Variants in CNTNAP5 observed in about 807,000 individuals in gnomAD.
CNTNAP5 encodes the protein contactin associated protein family member 5.
A neutral mutation model predicts 150.2 loss-of-function variants in CNTNAP5; 72 were observed. The observed-to-expected ratio is 0.48, with a 90% CI of 0.40 to 0.58. The LOEUF is 0.58. Ranked by LOEUF, CNTNAP5 falls within the 20% of genes least tolerant of loss-of-function variation. The pLI, the probability that CNTNAP5 is intolerant of heterozygous loss-of-function variation, is 0.00. For missense variants in CNTNAP5, 1,636 were observed against 1,626.2 expected, an observed-to-expected ratio of 1.01 and a Z score of -0.10; for synonymous variants, 672 against 619.8, an observed-to-expected ratio of 1.08 and a Z score of -1.25.
intron 3 of CNTNAP5, among the ~76,000 whole-genome samples, chr2:124,400,078 C>G (rs1180434491): frequency 1.3e-5 from 2 of 151,276 alleles, no homozygotes; most frequent in Non-Finnish European, 2.9e-5. Flanking sequence ...GCACTATTCC[C>G]TCAAGATGCA....
chr2:124,029,784 C>T (rs935096041), intron 1 of CNTNAP5, among the ~76,000 whole-genome samples: 8 of 152,200 alleles, frequency 5.3e-5, no homozygotes, highest in South Asian at 2.1e-4. Flanking sequence ...ATTTGAAATG[C>T]CCCTGAAACC....
At chr2:124,238,576 C>T (rs1370656049) in intron 2 of CNTNAP5, among the ~76,000 whole-genome samples, 1 of 152,112 alleles carries the variant, frequency 6.6e-6, no homozygotes, top group African/African-American at 2.4e-5. Flanking sequence ...CAAGTGTTCC[C>T]TTTAAGTGTA....
chr2:124,272,733 T>C (rs1348554937), intron 3 of CNTNAP5, among the ~76,000 whole-genome samples: 1 of 152,214 alleles, frequency 6.6e-6, no homozygotes, highest in Non-Finnish European at 1.5e-5. Context: ...GACAGCACTG[T>C]TGAAATGATT....
chr2:124,613,502 C>T (rs1677430986), intron 12 of CNTNAP5, among the ~76,000 whole-genome samples: 1 of 152,186 alleles, frequency 6.6e-6, no homozygotes, highest in African/African-American at 2.4e-5. Flanking sequence ...ATTCTCTGAG[C>T]TTTTCTTTGA....
chr2:124,249,695 C>A (rs75387158), intron 3 of CNTNAP5, among the ~76,000 whole-genome samples: 14 of 152,164 alleles, frequency 9.2e-5, no homozygotes, highest in African/African-American at 3.4e-4. Flanking sequence ...CCACCTTGGG[C>A]ACATGTTCTC....
intron 6 of CNTNAP5, among the ~76,000 whole-genome samples, chr2:124,463,408 G>A (rs1693299314): frequency 6.6e-6 from 1 of 152,124 alleles, no homozygotes; most frequent in African/African-American, 2.4e-5. Context: ...GGAGCAATAA[G>A]GACAACCAAA....
intron 1 of CNTNAP5, among the ~76,000 whole-genome samples, chr2:124,165,876 G>C (rs1242198457): frequency 6.6e-6 from 1 of 152,124 alleles, no homozygotes; most frequent in African/African-American, 2.4e-5. Flanking sequence ...ACAAGTACAT[G>C]GAGCGGCGCA....
intron 3 of CNTNAP5, among the ~76,000 whole-genome samples, chr2:124,293,383 A>G (rs1463055253): frequency 6.6e-6 from 1 of 152,168 alleles, no homozygotes; most frequent in African/African-American, 2.4e-5. Flanking sequence ...GTATTCTCTG[A>G]ATATCAAGAA....
At chr2:124,847,821 C>T (rs1191708830) in intron 19 of CNTNAP5, among the ~76,000 whole-genome samples, 3 of 152,072 alleles carry the variant, frequency 2.0e-5, no homozygotes, top group African/African-American at 4.8e-5. Context: ...TCTTTTCTTA[C>T]CTTGCTTAAG....
At chr2:124,914,031 C>G (rs1678709914) in intron 23 of CNTNAP5, 61 bp from the exon 24 acceptor site, 8 of 1,255,254 alleles carry the variant, frequency 6.4e-6, no homozygotes, top group Non-Finnish European at 9.0e-6. Context: ...AGGGAATCCA[C>G]TCTCCTGAGC....
intron 14 of CNTNAP5, among the ~76,000 whole-genome samples, chr2:124,759,845 A>T (rs1269211098): frequency 7.3e-6 from 1 of 137,684 alleles, no homozygotes; most frequent in Admixed American, 7.3e-5. Flanking sequence ...GGTAGACTGT[A>T]TATTTGACCA....
At chr2:124,352,229 T>C (rs1028705721) in intron 3 of CNTNAP5, among the ~76,000 whole-genome samples, 3 of 152,176 alleles carry the variant, frequency 2.0e-5, no homozygotes, top group Admixed American at 1.3e-4. Flanking sequence ...CATTAAGTTG[T>C]ATACTGGTCA....
intron 7 of CNTNAP5, among the ~76,000 whole-genome samples, chr2:124,487,772 G>A (rs1055471564): frequency 1.3e-5 from 2 of 152,094 alleles, no homozygotes; most frequent in Middle Eastern, 3.4e-3. Context: ...ATGATGACTG[G>A]CAAAGACCAA....
intron 3 of CNTNAP5, among the ~76,000 whole-genome samples, chr2:124,299,243 A>G (rs1358205984): frequency 6.6e-6 from 1 of 152,106 alleles, no homozygotes; most frequent in Admixed American, 6.5e-5. Context: ...CATTCCTCCC[A>G]GTGCACAGGC....
chr2:124,782,156 C>T (rs1681466582), intron 17 of CNTNAP5, among the ~76,000 whole-genome samples: 1 of 152,136 alleles, frequency 6.6e-6, no homozygotes, highest in African/African-American at 2.4e-5. Context: ...TCCTCTGATT[C>T]CATCATTTTT....
At chr2:124,264,369 C>G (rs958908308) in intron 3 of CNTNAP5, among the ~76,000 whole-genome samples, 3 of 55,780 alleles carry the variant, frequency 5.4e-5, no homozygotes, top group African/African-American at 1.9e-4. Context: ...CCCCCACACA[C>G]ACAGGCACAC....
intron 1 of CNTNAP5, among the ~76,000 whole-genome samples, chr2:124,152,823 TCTC>T (rs1684437805): frequency 6.6e-6 from 1 of 152,148 alleles, no homozygotes. Context: ...AGCATATACT[TCTC>T]CGCTTGGCAA....
chr2:124,791,434 A>G (rs1681726582), intron 18 of CNTNAP5, among the ~76,000 whole-genome samples: 1 of 152,180 alleles, frequency 6.6e-6, no homozygotes, highest in Non-Finnish European at 1.5e-5. Flanking sequence ...GCTGCTAGGT[A>G]TTCACACTGG....
intron 7 of CNTNAP5, among the ~76,000 whole-genome samples, chr2:124,503,079 G>A (rs1007652923): frequency 6.6e-6 from 1 of 152,188 alleles, no homozygotes; most frequent in African/African-American, 2.4e-5. Context: ...CGGATATCAA[G>A]GTCCTTACCC....
Sources: allele counts gnomAD v4.1 joint callset (sites outside exome capture counted in the v4.1 genomes callset), GRCh38; gene constraint gnomAD v4.1.1; transcripts MANE v1.5; gene names NCBI Gene and HGNC (gene_info 2026-07-23, HGNC 2026-07-21).